SLCO5A1: variants seen among roughly 807,000 people sequenced by gnomAD.
SLCO5A1 encodes organic anion transporter polypeptide-related protein 4.
A neutral mutation model predicts 65.1 loss-of-function variants in SLCO5A1; 39 were observed. That is an observed-to-expected ratio of 0.60 (90% CI 0.46 to 0.78). The LOEUF (loss-of-function observed/expected upper bound fraction) is 0.78. SLCO5A1 is among the 30% of genes least tolerant of loss of function. SLCO5A1 has a pLI of 0.00. For synonymous variants in SLCO5A1, 438 were observed against 415.7 expected, an observed-to-expected ratio of 1.05 and a Z score of -0.65; for missense variants, 1,029 against 1,069.4, an observed-to-expected ratio of 0.96 and a Z score of 0.53.
chr8:69,826,955 T>A (rs1820948780), intron 2 of SLCO5A1, among the ~76,000 whole-genome samples: 1 of 152,090 alleles, frequency 6.6e-6, no homozygotes, highest in East Asian at 1.9e-4. Flanking sequence ...CACCATGGAA[T>A]ACTATGCAGC....
intron 4 of SLCO5A1, among the ~76,000 whole-genome samples, chr8:69,739,867 A>T (rs1419232101): frequency 6.6e-6 from 1 of 152,210 alleles, no homozygotes; most frequent in Non-Finnish European, 1.5e-5. Flanking sequence ...GAAAGTTAAG[A>T]TTACCTATCA....
At position 69,668,028 on chromosome 8, in the gene SLCO5A1, C is replaced by T. The variant is rs1813231440; in HGVS notation, c.*4841G>A. 6.6e-6 allele frequency: 1 copy of T among 152,204 alleles called. No homozygotes were observed. The allele number at this position is 152,204 out of a possible 1,614,324, so 9.4% of individuals were successfully genotyped here. ...AGTGGTGAACATGCGTCATTAAATA[C>T]TTTTTAGCACCAAGGCATTTTTTTT... On this transcript the variant is annotated 3_prime_UTR_variant, in exon 10 of 10. Coordinates refer to ENST00000260126, the MANE Select transcript of SLCO5A1 (RefSeq NM_030958.3).
intron 2 of SLCO5A1, among the ~76,000 whole-genome samples, chr8:69,817,060 G>T (rs1820440536): frequency 6.6e-6 from 1 of 152,092 alleles, no homozygotes; most frequent in African/African-American, 2.4e-5. Context: ...GTATACAGTG[G>T]TGTTAAGTAT....
chr8:69,741,673 C>T (rs1337880455), intron 4 of SLCO5A1, among the ~76,000 whole-genome samples: 1 of 152,184 alleles, frequency 6.6e-6, no homozygotes, highest in Non-Finnish European at 1.5e-5. Flanking sequence ...CACTATATGT[C>T]TCTGCTCCTA....
At chr8:69,775,826 C>T (rs138618927) in intron 2 of SLCO5A1, among the ~76,000 whole-genome samples, 33 of 152,066 alleles carry the variant, frequency 2.2e-4, no homozygotes, top group East Asian at 5.8e-4. Flanking sequence ...CCAAGCTGGG[C>T]GACATAGTGA....
intron 6 of SLCO5A1, among the ~76,000 whole-genome samples, chr8:69,686,155 T>G (rs764578383): frequency 1.1e-4 from 16 of 150,206 alleles, no homozygotes; most frequent in Admixed American, 2.0e-4. Flanking sequence ...TTCCTCTCTA[T>G]TAAAAGATGT....
intron 6 of SLCO5A1, among the ~76,000 whole-genome samples, chr8:69,690,359 C>T (rs531897078): frequency 6.6e-5 from 10 of 152,142 alleles, no homozygotes; most frequent in African/African-American, 9.7e-5. Flanking sequence ...AATCACATCG[C>T]GTCAACACCC....
At position 69,767,910 on chromosome 8, in the gene SLCO5A1, AAC is replaced by A. The variant is rs796632634; in HGVS notation, c.908-6037_908-6036del. ...ATCTCAAAAAAAAAAAAAAAAAAAA[AAC>A]AAAAAGAAAAAGAAAAAGAATAAGC... On this transcript the variant is annotated intron_variant, in intron 2 of 9. Transcript: ENST00000260126. Among the ~76,000 whole-genome samples, 635 of 130,060 alleles carry A rather than the reference AAC, an allele frequency of 4.9e-3. 19 individuals are homozygous for A. Among genetic ancestry groups the A allele is most frequent in the African/African-American group, 0.021 (548 of 26,724 alleles). The allele number at this position is 130,060 out of a possible 152,430, so 85.3% of individuals were successfully genotyped here.
intron 2 of SLCO5A1, among the ~76,000 whole-genome samples, chr8:69,788,059 A>G (rs1386677174): frequency 1.3e-5 from 2 of 152,192 alleles, no homozygotes; most frequent in Admixed American, 1.3e-4. Context: ...TTTTAATCTC[A>G]TTAGAGTCCT....
intron 2 of SLCO5A1, among the ~76,000 whole-genome samples, chr8:69,811,742 A>G (rs1480823243): frequency 1.3e-5 from 2 of 152,246 alleles, no homozygotes; most frequent in Non-Finnish European, 2.9e-5. Context: ...ATGACAGCCC[A>G]CATTTTTTAG....
In SLCO5A1 at chr8:69,755,455, A is replaced by C; in HGVS notation, c.1227T>G (p.Val409=). The stretch of plus-strand genomic sequence containing the variant: ...CATCCTTTCCAAATCCCATCGAAGA[A>C]ACTTTTTTGTCCGCTTGTTCACTGT... ...SNNSEQADKK[V]SSMGFGKDVR... Residue 409 remains valine (V), a synonymous_variant, in exon 4 of 10, where the codon GTT becomes GTG. Transcript: ENST00000260126. The C allele has an allele frequency of 1.3e-5, 21 of 1,613,966 alleles. No individual in the cohort carries two copies. The highest frequency in any genetic ancestry group is 1.8e-5 in the Non-Finnish European group (21 of 1,179,998).
intron 5 of SLCO5A1, among the ~76,000 whole-genome samples, chr8:69,706,654 G>A (rs1338419461): frequency 3.9e-5 from 6 of 152,196 alleles, no homozygotes; most frequent in African/African-American, 1.2e-4. Flanking sequence ...TTCACCACAC[G>A]GGGCCAGGGC....
At chr8:69,776,122 A>G (rs2130878203) in intron 2 of SLCO5A1, among the ~76,000 whole-genome samples, 1 of 152,338 alleles carries the variant, frequency 6.6e-6, no homozygotes, top group East Asian at 1.9e-4. Flanking sequence ...TCAATGAGTT[A>G]GTTATTCTTG....
intron 7 of SLCO5A1, among the ~76,000 whole-genome samples, chr8:69,680,366 A>G (rs1304295706): frequency 6.6e-6 from 1 of 152,148 alleles, no homozygotes; most frequent in Non-Finnish European, 1.5e-5. Flanking sequence ...GCTCCCACTT[A>G]TAAGTGAGAA....
At chr8:69,805,068 T>C (rs1310783135) in intron 2 of SLCO5A1, among the ~76,000 whole-genome samples, 1 of 151,810 alleles carries the variant, frequency 6.6e-6, no homozygotes, top group Non-Finnish European at 1.5e-5. Flanking sequence ...GCAGCAATGA[T>C]TGAGCATAAA....
At position 69,830,148 on chromosome 8, in the gene SLCO5A1, C is replaced by A. The variant is rs146183552; in HGVS notation, c.907+1619G>T. On this transcript the variant is annotated intron_variant, in intron 2 of 9. Transcript: ENST00000260126. ...ATAAGTTATAAAACTCTTTTTCTGA[C>A]CCATTGAACCAGTTAGTGGGGATTA... Among the ~76,000 whole-genome samples the A allele has an allele frequency of 2.1e-4, 32 of 152,228 alleles. No homozygotes were observed. In the East Asian group the frequency reaches 3.1e-3, roughly 15 times the overall value.
At chr8:69,826,011 C>T (rs1249580596) in intron 2 of SLCO5A1, among the ~76,000 whole-genome samples, 1 of 152,098 alleles carries the variant, frequency 6.6e-6, no homozygotes, top group African/African-American at 2.4e-5. Context: ...ACAAACTGGA[C>T]AAAAACAAGC....
At chr8:69,761,096 C>T (rs1208294240) in intron 3 of SLCO5A1, among the ~76,000 whole-genome samples, 1 of 152,188 alleles carries the variant, frequency 6.6e-6, no homozygotes, top group African/African-American at 2.4e-5. Context: ...AAAGTCCCCA[C>T]GCAGCCACAG....
At chr8:69,695,921 C>T (rs1814478012) in intron 6 of SLCO5A1, among the ~76,000 whole-genome samples, 1 of 152,114 alleles carries the variant, frequency 6.6e-6, no homozygotes, top group Non-Finnish European at 1.5e-5. Context: ...TGATAAAGGA[C>T]TTGAAGAAAT....
Sources: gnomAD v4.1 joint callset for allele counts (sites outside exome capture counted in the v4.1 genomes callset) on GRCh38, gnomAD v4.1.1 for gene constraint, MANE v1.5 for transcripts, NCBI Gene and HGNC (gene_info 2026-07-23, HGNC 2026-07-21) for gene names.